The following VWC2 variants were observed in gnomAD, a reference collection of about 807,000 sequenced individuals.
The protein encoded by VWC2 is von Willebrand factor C domain containing 2, also known as brorin.
In VWC2, 14 loss-of-function variants were observed where a neutral mutation model predicts 29.8. That is an observed-to-expected ratio of 0.47 (90% CI 0.31 to 0.74). VWC2 has a LOEUF of 0.74. VWC2 is among the 30% of genes least tolerant of loss of function. The pLI is 0.05. For missense variants in VWC2, 457 were observed against 459.8 expected, an observed-to-expected ratio of 0.99 and a Z score of 0.05; for synonymous variants, 213 against 199.0, an observed-to-expected ratio of 1.07 and a Z score of -0.59.
At chr7:49,801,864 G>C (rs932873780) in intron 2 of VWC2, among the ~76,000 whole-genome samples, 2 of 152,252 alleles carry the variant, frequency 1.3e-5, no homozygotes, top group Non-Finnish European at 2.9e-5. Context: ...AGTTCAGTGA[G>C]GGAATATTCA....
At chr7:49,857,797 G>T (rs1038650903) in intron 3 of VWC2, among the ~76,000 whole-genome samples, 6 of 152,098 alleles carry the variant, frequency 3.9e-5, no homozygotes, top group Non-Finnish European at 8.8e-5. Context: ...TCACTTCTGG[G>T]TATAAATCCA....
At chr7:49,892,746 C>T (rs1792198490) in intron 3 of VWC2, among the ~76,000 whole-genome samples, 1 of 152,224 alleles carries the variant, frequency 6.6e-6, no homozygotes, top group African/African-American at 2.4e-5. Flanking sequence ...GAGACAGTGA[C>T]ATTTTTTTAC....
rs1005660505 is a variant in VWC2 at position 49,915,003 on chromosome 7, T to A, written c.*2818T>A. The A allele has an allele frequency of 1.3e-5, 2 of 152,214 alleles. No individual in the cohort carries two copies. The highest frequency in any genetic ancestry group is 2.9e-5 in the Non-Finnish European group (2 of 68,036). 9.4% of individuals were successfully genotyped at this position (152,214 alleles called of 1,614,324 possible). A position where few individuals can be genotyped will look rare whatever the true frequency, so the allele number is the denominator to read the frequency against. On this transcript the variant is annotated 3_prime_UTR_variant, in exon 4 of 4. Transcript: ENST00000340652. ...AATGTATTAATGAATTTATTTCAAATTTTCAACCCATATTTAGATCTGAAA... is the reference window on the plus strand; with the variant it reads ...AATGTATTAATGAATTTATTTCAAAATTTCAACCCATATTTAGATCTGAAA...
At chr7:49,809,209 C>G (rs1788944230) in intron 3 of VWC2, among the ~76,000 whole-genome samples, 1 of 151,830 alleles carries the variant, frequency 6.6e-6, no homozygotes. Flanking sequence ...ATTACTAACC[C>G]TACAAAAATG....
rs1793502343 is a variant in VWC2 at position 49,912,406 on chromosome 7, T to A, written c.*221T>A. On this transcript the variant is annotated 3_prime_UTR_variant, in exon 4 of 4. Coordinates refer to ENST00000340652, the MANE Select transcript of VWC2 (RefSeq NM_198570.5). ...TTTGGGCATAAAATCCTTCTCTAAATAAATGTGCTATTTTCACAGTAAGTA... is the reference window on the plus strand; with the variant it reads ...TTTGGGCATAAAATCCTTCTCTAAAAAAATGTGCTATTTTCACAGTAAGTA... 4.3e-6 allele frequency: 2 copies of A among 463,010 alleles called. No homozygotes were observed. The highest frequency in any genetic ancestry group is 3.9e-5 in the African/African-American group (2 of 51,100). The allele number at this position is 463,010 out of a possible 1,614,324, so 28.7% of individuals were successfully genotyped here.
At chr7:49,858,636 A>G (rs1790524303) in intron 3 of VWC2, among the ~76,000 whole-genome samples, 1 of 151,948 alleles carries the variant, frequency 6.6e-6, no homozygotes, top group Non-Finnish European at 1.5e-5. Context: ...GCACACCAAC[A>G]CGGCACATGT....
intron 3 of VWC2, among the ~76,000 whole-genome samples, chr7:49,903,999 G>T (rs1377024666): frequency 2.0e-5 from 3 of 152,108 alleles, no homozygotes; most frequent in African/African-American, 4.8e-5. Flanking sequence ...GGGAAGGCTG[G>T]TCACCCCACC....
intron 3 of VWC2, among the ~76,000 whole-genome samples, chr7:49,835,628 G>A (rs1348980536): frequency 6.6e-6 from 1 of 152,178 alleles, no homozygotes; most frequent in Non-Finnish European, 1.5e-5. Flanking sequence ...GAAACTTGGA[G>A]CCTATGAAGA....
intron 3 of VWC2, among the ~76,000 whole-genome samples, chr7:49,909,618 C>A (rs1378845308): frequency 6.6e-6 from 1 of 152,160 alleles, no homozygotes; most frequent in Non-Finnish European, 1.5e-5. Flanking sequence ...GCTCAGACAT[C>A]ATAAATCTGG....
At chr7:49,900,462 C>G (rs1178230130) in intron 3 of VWC2, among the ~76,000 whole-genome samples, 1 of 151,468 alleles carries the variant, frequency 6.6e-6, no homozygotes, top group Non-Finnish European at 1.5e-5. Flanking sequence ...CTATAAGAAA[C>G]AAAAGAGAGG....
At chr7:49,817,567 T>C (rs945437968) in intron 3 of VWC2, among the ~76,000 whole-genome samples, 3 of 152,192 alleles carry the variant, frequency 2.0e-5, no homozygotes, top group Admixed American at 2.0e-4. Flanking sequence ...CCCTCTTTGT[T>C]GATCAGAAGA....
At chr7:49,906,440 A>G (rs1003375129) in intron 3 of VWC2, among the ~76,000 whole-genome samples, 8 of 151,800 alleles carry the variant, frequency 5.3e-5, no homozygotes, top group African/African-American at 1.9e-4. Flanking sequence ...GGTTCACGCC[A>G]TTTTCCTGCC....
intron 3 of VWC2, among the ~76,000 whole-genome samples, chr7:49,885,364 G>A (rs75115509): frequency 2.4e-4 from 37 of 151,732 alleles, no homozygotes; most frequent in Non-Finnish European, 2.9e-4. Context: ...ATCTCTGAAA[G>A]TAAAACTATA....
chr7:49,870,209 G>A (rs1000803900), intron 3 of VWC2, among the ~76,000 whole-genome samples: 2 of 152,124 alleles, frequency 1.3e-5, no homozygotes, highest in Non-Finnish European at 2.9e-5. Flanking sequence ...GACCATCCTG[G>A]CTAAGACAGT....
intron 2 of VWC2, among the ~76,000 whole-genome samples, chr7:49,784,098 T>C (rs751054443): frequency 6.6e-6 from 1 of 152,178 alleles, no homozygotes; most frequent in African/African-American, 2.4e-5. Context: ...ATAAAACACA[T>C]ATTTTTAAAA....
rs13222579 is a variant in VWC2, at chr7:49,794,631, A to G, written c.697-8080A>G. 8.7e-3 allele frequency among the ~76,000 whole-genome samples: 1,324 copies of G among 152,328 alleles called. 12 individuals are homozygous for G. The highest frequency in any genetic ancestry group is 0.013 in the Non-Finnish European group (907 of 68,032). On this transcript the variant is annotated intron_variant, in intron 2 of 3. Coordinates refer to ENST00000340652, the MANE Select transcript of VWC2 (RefSeq NM_198570.5). Reference sequence around the variant, plus strand: ...CAAGTTGGTCTTGTCTTATGGTGCAAGGACCCTGAGCACAGGATATTCATC... The same window carrying G: ...CAAGTTGGTCTTGTCTTATGGTGCAGGGACCCTGAGCACAGGATATTCATC...
intron 3 of VWC2, among the ~76,000 whole-genome samples, chr7:49,831,533 G>A (rs1789526267): frequency 6.6e-6 from 1 of 152,184 alleles, no homozygotes; most frequent in African/African-American, 2.4e-5. Context: ...CACATGGGTA[G>A]AATATACAGG....
chr7:49,825,397 T>G (rs577920560), intron 3 of VWC2, among the ~76,000 whole-genome samples: 3 of 152,196 alleles, frequency 2.0e-5, no homozygotes, highest in Non-Finnish European at 4.4e-5. Flanking sequence ...TACATTTGGT[T>G]GATACATTGC....
chr7:49,788,445 CTGTGTGTG>C (rs35708736), intron 2 of VWC2, among the ~76,000 whole-genome samples: 2 of 148,072 alleles, frequency 1.4e-5, no homozygotes, highest in African/African-American at 2.5e-5. Context: ...TTCCCCTGGC[CTGTGTGTG>C]TGTGTGTGTG....
Sources: allele counts gnomAD v4.1 joint callset (sites outside exome capture counted in the v4.1 genomes callset), GRCh38; gene constraint gnomAD v4.1.1; transcripts MANE v1.5; gene names NCBI Gene and HGNC (gene_info 2026-07-23, HGNC 2026-07-21).